Variants in SH3BP1 observed in about 807,000 individuals in gnomAD.
SH3BP1 encodes SH3 domain-binding protein 1.
Under a neutral mutation model 69.8 loss-of-function variants are expected in SH3BP1, and 46 were observed. The ratio of observed to expected loss-of-function variants is 0.66; its 90% CI spans 0.52 to 0.84. The LOEUF (loss-of-function observed/expected upper bound fraction) is 0.84, where lower values mean the gene tolerates loss of function less well. SH3BP1 is among the 40% of genes least tolerant of loss of function. SH3BP1 has a pLI of 0.00. For missense variants in SH3BP1, 868 were observed against 930.9 expected (o/e 0.93, Z 0.88); for synonymous variants, 403 against 378.0 (o/e 1.07, Z -0.77).
intron 14 of SH3BP1, among the ~76,000 whole-genome samples, chr22:37,649,043 G>C (rs887981070): frequency 3.3e-5 from 5 of 151,976 alleles, no homozygotes; most frequent in African/African-American, 9.7e-5. Flanking sequence ...TCTACTAATA[G>C]CTCCACCCCT....
chr22:37,641,038 C>G (rs1413992401), intron 1 of SH3BP1, 88 bp from the exon 2 acceptor site: 1 of 926,692 alleles, frequency 1.1e-6, no homozygotes, highest in African/African-American at 1.6e-5. Context: ...TCCAGGTGCC[C>G]TGCTGCGGGG....
intron 9 of SH3BP1, 122 bp downstream of exon 9, chr22:37,645,082 T>A (rs1932759515): frequency 2.1e-6 from 2 of 965,054 alleles, no homozygotes; most frequent in Non-Finnish European, 3.1e-6. Flanking sequence ...AGAGCTAGGC[T>A]CAATCTGTGA....
At chr22:37,642,714 G>T in intron 4 of SH3BP1, 99 bp downstream of exon 4, 1 of 1,607,512 alleles carries the variant, frequency 6.2e-7, no homozygotes, top group South Asian at 1.1e-5. Flanking sequence ...TCAGAAGAAT[G>T]ACCAGGCTGG....
rs1456258831 is a variant in SH3BP1, at chr22:37,647,253, C to T, written c.1037-14C>T. The T allele has an allele frequency of 6.2e-7, 1 of 1,613,186 alleles. No homozygotes were observed. Among genetic ancestry groups the T allele is most frequent in the Non-Finnish European group, 8.5e-7 (1 of 1,179,478 alleles). Reference sequence around the variant, plus strand: ...TGGGGGCTGCCTCTGACCCTCCCCACACCCCTCCTTCAGGTGCCCTCAAGT... The same window carrying T: ...TGGGGGCTGCCTCTGACCCTCCCCATACCCCTCCTTCAGGTGCCCTCAAGT... On this transcript the variant is annotated splice_polypyrimidine_tract_variant and intron_variant, in intron 11 of 17. Transcript: ENST00000649765.
At chr22:37,647,394 AAGGTGT>A in intron 12 of SH3BP1, 41 bp from the exon 13 acceptor site, 1 of 1,612,720 alleles carries the variant, frequency 6.2e-7, no homozygotes, top group African/African-American at 1.3e-5. Context: ...GGAGGATGCA[AAGGTGT>A]AGCCCTGCGC....
intron 17 of SH3BP1, 27 bp downstream of exon 17, chr22:37,653,900 G>A: frequency 1.4e-6 from 2 of 1,443,646 alleles, no homozygotes; most frequent in Non-Finnish European, 9.7e-7. Context: ...AGGGGAGGAG[G>A]GGACAGAGGG....
At chr22:37,642,775 T>G (rs1215905319) in intron 4 of SH3BP1, 120 bp from the exon 5 acceptor site, 1 of 1,595,952 alleles carries the variant, frequency 6.3e-7, no homozygotes, top group Non-Finnish European at 8.5e-7. Context: ...GGTGTTCAGC[T>G]TAGCAGAGAT....
intron 16 of SH3BP1, among the ~76,000 whole-genome samples, chr22:37,651,371 G>A (rs1290549621): frequency 1.4e-5 from 2 of 145,500 alleles, no homozygotes; most frequent in Non-Finnish European, 3.0e-5. Context: ...AGTTCACTCT[G>A]TTGCTTAGGC....
chr22:37,655,414 C>A lies in SH3BP1; in HGVS notation c.1836C>A (p.Ser612Arg). The change falls in exon 18 of 18, where the codon AGC becomes AGA. Residue 612 changes from serine (S) to arginine (R), a missense_variant. Physicochemically the swap from Ser to Arg is moderately radical, Grantham distance 110 (BLOSUM62 -1). Around this residue, in one of 3 missense-constraint regions of SH3BP1, gnomAD observed 474 missense variants for 462.3 expected, o/e 1.03. Coordinates refer to ENST00000649765, the MANE Select transcript of SH3BP1 (RefSeq NM_018957.6). ...PQALPRRLVG[S>R]SLRAPTVPPP... is the part of the protein sequence containing the mutation. ...CCCTGCCCCGACGTCTGGTTGGCAG[C>A]AGCCTCCGAGCCCCCACAGTGCCAC... The A allele has an allele frequency of 6.9e-7, 1 of 1,446,800 alleles. No homozygotes were observed. Among genetic ancestry groups the A allele is most frequent in the Non-Finnish European group, 9.2e-7 (1 of 1,082,474 alleles). 89.6% of individuals were successfully genotyped at this position (1,446,800 alleles called of 1,614,324 possible).
rs748748989 is a variant in SH3BP1, at chr22:37,644,900, A to G, written c.718A>G (p.Arg240Gly). The change falls in exon 9 of 18, where the codon AGG (arginine) becomes GGG (glycine). Residue 240 changes from arginine to glycine, a missense_variant. Coordinates refer to ENST00000649765, the MANE Select transcript of SH3BP1 (RefSeq NM_018957.6). ...LLEIQADYHR[R>G]SLSSLDTALA... is the part of the protein sequence containing the mutation. ...GGAGATTCAGGCCGATTACCATCGC[A>G]GGTCACTGAGCTCGCTGGACACAGC... 6.2e-7 allele frequency: 1 copy of G among 1,614,032 alleles called. No homozygotes were observed. Among genetic ancestry groups the G allele is most frequent in the South Asian group, 1.1e-5 (1 of 91,076 alleles).
intron 1 of SH3BP1, 136 bp downstream of exon 1, chr22:37,639,982 T>G (rs1932522590): frequency 1.6e-6 from 1 of 606,424 alleles, no homozygotes; most frequent in Non-Finnish European, 2.7e-6. Flanking sequence ...ACTCCTGCTC[T>G]CTCTTCCTCC....
rs781709338 is a variant in SH3BP1, at chr22:37,655,994, G to A, written c.*310G>A. The A allele has an allele frequency of 7.4e-6, 11 of 1,489,318 alleles. No individual in the cohort carries two copies. The highest frequency in any genetic ancestry group is 1.4e-5 in the African/African-American group (1 of 72,426). 92.3% of individuals were successfully genotyped at this position (1,489,318 alleles called of 1,614,324 possible). Reference sequence around the variant, plus strand: ...CTACGGGACTGATTCTTCTCTTGCCGACATGTTTTTTGTAAGGCTGGTAAA... The same window carrying A: ...CTACGGGACTGATTCTTCTCTTGCCAACATGTTTTTTGTAAGGCTGGTAAA... On this transcript the variant is annotated 3_prime_UTR_variant, in exon 18 of 18. Coordinates refer to ENST00000649765, the MANE Select transcript of SH3BP1 (RefSeq NM_018957.6).
At chr22:37,644,836 C>T (rs772511076) in intron 8 of SH3BP1, 34 bp from the exon 9 acceptor site, 1 of 1,611,432 alleles carries the variant, frequency 6.2e-7, no homozygotes, top group Non-Finnish European at 8.5e-7. Flanking sequence ...CAGCTTCCCC[C>T]ACTTCCGCTC....
rs989615145 is a variant in SH3BP1, at chr22:37,643,014, T to C, written c.396+8T>C. On this transcript the variant is annotated splice_region_variant and intron_variant, in intron 5 of 17. Transcript: ENST00000649765. ...CTCAGCAGGCTGAGTGAGGTGAGCC[T>C]GTGCCCTGCTTTCAGCCCCCAGCTT... 1 of 1,611,714 alleles carries C rather than the reference T, an allele frequency of 6.2e-7. No homozygotes were observed. Among genetic ancestry groups the C allele is most frequent in the Non-Finnish European group, 8.5e-7 (1 of 1,178,718 alleles).
At chr22:37,646,957 G>A in intron 11 of SH3BP1, 28 bp downstream of exon 11, 1 of 1,439,144 alleles carries the variant, frequency 6.9e-7, no homozygotes, top group Non-Finnish European at 9.3e-7. Context: ...CCCTGGGCAG[G>A]AGGTTGGGGG....
chr22:37,643,463 T>C, intron 6 of SH3BP1, 181 bp from the exon 7 acceptor site: 1 of 811,226 alleles, frequency 1.2e-6, no homozygotes, highest in South Asian at 1.7e-5. Context: ...TCACCAAATC[T>C]GCCACCAGGG....
rs774409071 is a variant in SH3BP1 at position 37,644,955 on chromosome 22, A to T, written c.773A>T (p.Gln258Leu). ...ALAELRENHG[Q>L]ADHSPSMTAT... ...GCTGAGCTGAGGGAGAACCACGGCC[A>T]AGCAGGTGGGGACATAGGCCCGGCG... Residue 258 changes from glutamine (Q) to leucine (L), a missense_variant, in exon 9 of 18, where the codon CAA becomes CTA. By Grantham distance (113) the Gln-to-Leu change is moderately radical. Transcript: ENST00000649765. The T allele has an allele frequency of 6.2e-7, 1 of 1,613,772 alleles. No homozygotes were observed. Among genetic ancestry groups the T allele is most frequent in the East Asian group, 2.2e-5 (1 of 44,874 alleles).
Position 37,639,815 on chromosome 22 carries a change from C to T in SH3BP1, c.28C>T (p.Arg10Trp). 6.4e-7 allele frequency: 1 copy of T among 1,570,812 alleles called. No homozygotes were observed. The highest frequency in any genetic ancestry group is 8.6e-7 in the Non-Finnish European group (1 of 1,160,726). The change falls in exon 1 of 18, where the codon CGG (arginine) becomes TGG (tryptophan). Residue 10 changes from arginine (R) to tryptophan (W), a missense_variant. Arg to Trp is a moderately radical substitution (Grantham distance 101). This residue lies in a region of SH3BP1 where 387 missense variants were observed against 447.9 expected (regional missense o/e 0.86). Transcript: ENST00000649765. MMKRQLHRM[R>W]QLAQTGSLGR... ...GATGAAGAGGCAGCTGCACCGCATG[C>T]GGCAGCTGGCCCAGACGGGCAGCTT...
At chr22:37,647,546 C>T (rs767197969) in intron 13 of SH3BP1, 25 bp downstream of exon 13, 1 of 1,571,908 alleles carries the variant, frequency 6.4e-7, no homozygotes, top group Non-Finnish European at 8.6e-7. Flanking sequence ...GCCTCCCCAG[C>T]CTGCCGCAGA....
Sources: allele counts gnomAD v4.1 joint callset (sites outside exome capture counted in the v4.1 genomes callset), GRCh38; gene constraint gnomAD v4.1.1; regional missense constraint gnomAD v4.1.1; transcripts MANE v1.5; gene names NCBI Gene and HGNC (gene_info 2026-07-23, HGNC 2026-07-21).